EXOC4: variants seen among roughly 807,000 people sequenced by gnomAD.
EXOC4 encodes exocyst complex component 4.
A neutral mutation model predicts 107.2 loss-of-function variants in EXOC4; 71 were observed. The ratio of observed to expected loss-of-function variants is 0.66; its 90% CI spans 0.55 to 0.81. The LOEUF is 0.81. Among genes scored for constraint, EXOC4 ranks in the 30% least tolerant of loss-of-function variants. The probability of loss-of-function intolerance (pLI) is 0.00; values close to 1 mark genes in which losing one functional copy is unlikely to be tolerated. For missense variants in EXOC4, 1,108 were observed against 1,189.6 expected (o/e 0.93, Z 1.01); for synonymous variants, 456 against 441.2 (o/e 1.03, Z -0.42).
chr7:133,261,247 C>T (rs4433087), intron 1 of EXOC4, among the ~76,000 whole-genome samples: 44,655 of 149,898 alleles, frequency 0.3, 7,160 homozygotes, highest in African/African-American at 0.42. Context: ...TTCCCTCTTC[C>T]TTTACATGCC....
At chr7:133,694,926 G>A (rs1279662375) in intron 10 of EXOC4, among the ~76,000 whole-genome samples, 1 of 152,030 alleles carries the variant, frequency 6.6e-6, no homozygotes, top group African/African-American at 2.4e-5. Flanking sequence ...GGGTTCAAGC[G>A]ATTCTCCTGC....
intron 13 of EXOC4, among the ~76,000 whole-genome samples, chr7:133,919,174 C>G (rs1364819379): frequency 6.6e-6 from 1 of 152,074 alleles, no homozygotes; most frequent in East Asian, 1.9e-4. Flanking sequence ...AACTTGTTAG[C>G]TAGTTAATTA....
chr7:133,682,024 C>T (rs1301928059), intron 10 of EXOC4, among the ~76,000 whole-genome samples: 1 of 152,052 alleles, frequency 6.6e-6, no homozygotes, highest in African/African-American at 2.4e-5. Flanking sequence ...CGGCCTTAGC[C>T]TCCCAAGCTG....
At position 133,412,278 on chromosome 7, in the gene EXOC4, G is replaced by GTTTTTTTTT. The variant is rs35334259; in HGVS notation, c.1182+37291_1182+37299dup. On this transcript the variant is annotated intron_variant, in intron 7 of 17. Transcript: ENST00000253861. ...ATCTGGTCAATACTGTCAGAATTCA[G>GTTTTTTTTT]TTTTTTTTTTTTTTTTTTTTTTTGC... Among the ~76,000 whole-genome samples the GTTTTTTTTT allele has an allele frequency of 1.3e-3, 94 of 71,476 alleles. 13 individuals carry two copies. Among genetic ancestry groups the GTTTTTTTTT allele is most frequent in the East Asian group, 2.6e-3 (5 of 1,902 alleles). 46.9% of individuals were successfully genotyped at this position (71,476 alleles called of 152,430 possible).
chr7:133,525,996 C>CAG (rs1043445605), intron 9 of EXOC4, among the ~76,000 whole-genome samples: 9 of 152,026 alleles, frequency 5.9e-5, no homozygotes, highest in African/African-American at 1.9e-4. Flanking sequence ...GCCAATATTC[C>CAG]AGAGAGAGAG....
intron 9 of EXOC4, among the ~76,000 whole-genome samples, chr7:133,542,415 AC>A (rs750484126): frequency 5.7e-4 from 86 of 152,094 alleles, no homozygotes; most frequent in Non-Finnish European, 9.7e-4. Context: ...GTAGGGCAGG[AC>A]CCTTTCTGGA....
intron 4 of EXOC4, among the ~76,000 whole-genome samples, chr7:133,315,728 G>A (rs1425294882): frequency 1.3e-5 from 2 of 152,156 alleles, no homozygotes; most frequent in African/African-American, 4.8e-5. Flanking sequence ...AGAGTTGTTG[G>A]GAGGATGCCA....
intron 5 of EXOC4, among the ~76,000 whole-genome samples, chr7:133,320,953 C>CT (rs1161330180): frequency 6.6e-6 from 1 of 152,120 alleles, no homozygotes; most frequent in African/African-American, 2.4e-5. Flanking sequence ...TCCTAAGAGT[C>CT]TATTTGTGAA....
At position 133,348,974 on chromosome 7, in the gene EXOC4, C is replaced by A. The variant is rs7783823; in HGVS notation, c.764-7356C>A. The stretch of plus-strand genomic sequence containing the variant: ...GCAAGTAAAACCAAATGAATCTGGT[C>A]ATTATACCTCTTTCTACTCATGGAT... On this transcript the variant is annotated intron_variant, in intron 5 of 17. Transcript: ENST00000253861. Among the ~76,000 whole-genome samples, 392 of 152,196 alleles carry A rather than the reference C, an allele frequency of 2.6e-3. 5 individuals carry two copies. Among genetic ancestry groups the A allele is most frequent in the African/African-American group, 8.8e-3 (367 of 41,530 alleles).
intron 7 of EXOC4, among the ~76,000 whole-genome samples, chr7:133,437,998 G>T (rs1798014627): frequency 1.3e-5 from 2 of 152,014 alleles, no homozygotes; most frequent in Admixed American, 6.6e-5. Context: ...CTCTTCTCTT[G>T]TCTGACTTAT....
chr7:133,833,478 T>G (rs2151240252), intron 11 of EXOC4, among the ~76,000 whole-genome samples: 1 of 152,342 alleles, frequency 6.6e-6, no homozygotes, highest in South Asian at 2.1e-4. Flanking sequence ...CTAGGAGTTG[T>G]TTTTGTTAAG....
intron 5 of EXOC4, among the ~76,000 whole-genome samples, chr7:133,338,087 A>T (rs1795561728): frequency 2.1e-5 from 3 of 143,354 alleles, no homozygotes; most frequent in Admixed American, 6.9e-5. Flanking sequence ...TCTCTGTCTC[A>T]TTACTTTCTG....
chr7:133,489,719 G>A (rs1418452503), intron 9 of EXOC4, among the ~76,000 whole-genome samples: 1 of 152,074 alleles, frequency 6.6e-6, no homozygotes, highest in African/African-American at 2.4e-5. Context: ...TACTTGTGCT[G>A]GATACTTCAC....
chr7:133,843,005 A>T (rs1022784368), intron 11 of EXOC4, among the ~76,000 whole-genome samples: 1 of 152,004 alleles, frequency 6.6e-6, no homozygotes, highest in African/African-American at 2.4e-5. Flanking sequence ...AGGGCTCTCT[A>T]TTCTGTTCCA....
Position 133,970,184 on chromosome 7 carries a change from C to T in EXOC4, c.2207-27308C>T, listed in dbSNP as rs529014980. On this transcript the variant is annotated intron_variant, in intron 14 of 17. Coordinates refer to ENST00000253861, the MANE Select transcript of EXOC4 (RefSeq NM_021807.4). ...CTACTCAAGCCTCAGAAATGGCAGA[C>T]ACCCCTCCCCCCACCAAGCTCAAGT... 1.1e-3 allele frequency among the ~76,000 whole-genome samples: 167 copies of T among 152,094 alleles called. 1 individual carries two copies. The highest frequency in any genetic ancestry group is 2.3e-3 in the East Asian group (12 of 5,138).
chr7:133,899,634 ATGCCC>A (rs1799405166), intron 12 of EXOC4, among the ~76,000 whole-genome samples: 1 of 151,616 alleles, frequency 6.6e-6, no homozygotes, highest in Admixed American at 6.6e-5. Context: ...AGTTTCTGGT[ATGCCC>A]TGGTCTATGA....
intron 9 of EXOC4, among the ~76,000 whole-genome samples, chr7:133,615,211 A>T (rs976343530): frequency 6.7e-6 from 1 of 150,054 alleles, no homozygotes; most frequent in Non-Finnish European, 1.5e-5. Context: ...CACCTCCTCC[A>T]CTTCTTCTGT....
intron 1 of EXOC4, among the ~76,000 whole-genome samples, chr7:133,273,197 C>T (rs1353585412): frequency 6.6e-6 from 1 of 152,194 alleles, no homozygotes; most frequent in East Asian, 1.9e-4. Flanking sequence ...AGTTGTGTAT[C>T]ATTAAAACAA....
downstream of EXOC4, among the ~76,000 whole-genome samples, chr7:134,068,428 T>A (rs1796215264): frequency 6.6e-6 from 1 of 152,220 alleles, no homozygotes; most frequent in Admixed American, 6.5e-5. Flanking sequence ...TCTCCTTGCC[T>A]ACTGCCATGT....
Sources: gnomAD v4.1 joint callset for allele counts (sites outside exome capture counted in the v4.1 genomes callset) on GRCh38, gnomAD v4.1.1 for gene constraint, MANE v1.5 for transcripts, NCBI Gene and HGNC (gene_info 2026-07-23, HGNC 2026-07-21) for gene names.